Variants in ANKMY1 observed in about 807,000 individuals in gnomAD.
The protein encoded by ANKMY1 is ankyrin repeat and MYND domain containing 1, also known as ankyrin repeat and MYND domain-containing protein 1.
Under a neutral mutation model 102.0 loss-of-function variants are expected in ANKMY1, and 98 were observed. The ratio of observed to expected loss-of-function variants is 0.96; its 90% CI spans 0.82 to 1.14. The LOEUF (loss-of-function observed/expected upper bound fraction) is 1.14. ANKMY1 is among the 50% of genes most tolerant of loss of function. ANKMY1 has a pLI of 0.00. For missense variants in ANKMY1, 1,330 were observed against 1,347.6 expected, an observed-to-expected ratio of 0.99 and a Z score of 0.20; for synonymous variants, 582 against 559.9, an observed-to-expected ratio of 1.04 and a Z score of -0.56.
intron 4 of ANKMY1, among the ~76,000 whole-genome samples, chr2:240,540,559 C>T (rs933776028): frequency 1.6e-4 from 24 of 152,180 alleles, no homozygotes; most frequent in African/African-American, 5.1e-4. Flanking sequence ...TGCTTCCTTA[C>T]CCCTCCTGAG....
chr2:240,504,660 C>T (rs1410908254), intron 13 of ANKMY1, among the ~76,000 whole-genome samples: 2 of 152,062 alleles, frequency 1.3e-5, no homozygotes, highest in African/African-American at 4.8e-5. Flanking sequence ...CCAATAAGCA[C>T]ATGAAAAGAT....
chr2:240,491,311 T>A (rs1489899859), intron 15 of ANKMY1, among the ~76,000 whole-genome samples: 1 of 152,200 alleles, frequency 6.6e-6, no homozygotes, highest in East Asian at 1.9e-4. Context: ...CTATTCTAGC[T>A]TTTAAGAGGA....
chr2:240,544,275 A>C (rs1354640522), intron 4 of ANKMY1, among the ~76,000 whole-genome samples: 2 of 152,232 alleles, frequency 1.3e-5, no homozygotes, highest in Admixed American at 1.3e-4. Flanking sequence ...AAAAGAAAGA[A>C]AATTTAGGAC....
At chr2:240,525,227 C>T (rs2083114970) in intron 7 of ANKMY1, among the ~76,000 whole-genome samples, 1 of 152,266 alleles carries the variant, frequency 6.6e-6, no homozygotes, top group African/African-American at 2.4e-5. Context: ...AGCTGCAGCA[C>T]CCGATTAAAG....
intron 15 of ANKMY1, among the ~76,000 whole-genome samples, chr2:240,489,646 TG>T (rs2076422613): frequency 6.6e-6 from 1 of 152,146 alleles, no homozygotes; most frequent in African/African-American, 2.4e-5. Flanking sequence ...CTTTTGAAAG[TG>T]CTGTTGGATG....
chr2:240,492,581 T>C (rs898212497), intron 15 of ANKMY1, among the ~76,000 whole-genome samples: 4 of 152,240 alleles, frequency 2.6e-5, no homozygotes, highest in African/African-American at 4.8e-5. Context: ...TTTTTTAAAA[T>C]GTCTCTTTGA....
intron 3 of ANKMY1, chr2:240,553,320 A>G (rs1259890733): frequency 2.1e-6 from 1 of 475,652 alleles, no homozygotes; most frequent in African/African-American, 2.0e-5. Context: ...AACTACCTAG[A>G]CATCCTGAGT....
Position 240,532,970 on chromosome 2 carries a change from A to C in ANKMY1, c.481-3461T>G, listed in dbSNP as rs1247732521. On this transcript the variant is annotated intron_variant, in intron 4 of 17. Transcript: ENST00000401804. Reference sequence around the variant, plus strand: ...CGATCCTCCTGCCTTGGCCTTCCAAAGTATTAGGATTACAGGCATGGGCCC... The same window carrying C: ...CGATCCTCCTGCCTTGGCCTTCCAACGTATTAGGATTACAGGCATGGGCCC... Among the ~76,000 whole-genome samples, 5 of 152,376 alleles carry C rather than the reference A, an allele frequency of 3.3e-5. No individual in the cohort carries two copies. The East Asian group carries it at 9.6e-4, about 29-fold the overall frequency.
rs751003464 is a variant in ANKMY1, at chr2:240,520,649, C to T, written c.1833-116G>A. ...GGGCGCGTAGGGAGTATGTGTGTGCCGCAACTACACAATCACACACACAGC... is the reference window on the plus strand; with the variant it reads ...GGGCGCGTAGGGAGTATGTGTGTGCTGCAACTACACAATCACACACACAGC... On this transcript the variant is annotated intron_variant, in intron 8 of 17. Transcript: ENST00000401804. This position sits in a 1 kb window ranked among gnomAD's most constrained non-coding sequence, Gnocchi z 4.8. The T allele has an allele frequency of 1.0e-4, 130 of 1,265,706 alleles. No individual in the cohort carries two copies. Among genetic ancestry groups the T allele is most frequent in the Middle Eastern group, 2.7e-4 (1 of 3,646 alleles). The allele number at this position is 1,265,706 out of a possible 1,614,324, so 78.4% of individuals were successfully genotyped here.
intron 15 of ANKMY1, among the ~76,000 whole-genome samples, chr2:240,485,885 G>T (rs1186322454): frequency 6.6e-6 from 1 of 152,184 alleles, no homozygotes; most frequent in Non-Finnish European, 1.5e-5. Flanking sequence ...GAGCCACCAT[G>T]CCTGGCCTAC....
At chr2:240,512,025 C>T (rs767002051) in intron 10 of ANKMY1, 24 bp from the exon 11 acceptor site, 1 of 1,518,722 alleles carries the variant, frequency 6.6e-7, no homozygotes, top group Admixed American at 2.4e-5. Context: ...AGGGCTCCGC[C>T]AGCGCCCACG....
chr2:240,526,709 G>A (rs1422121889), intron 5 of ANKMY1: 20 of 1,385,556 alleles, frequency 1.4e-5, no homozygotes, highest in East Asian at 5.6e-5. Context: ...TGCTGGCTGC[G>A]AGTACATCCA....
chr2:240,479,723 T>G, intron 17 of ANKMY1, 68 bp from the exon 18 acceptor site: 1 of 1,458,120 alleles, frequency 6.9e-7, no homozygotes, highest in Non-Finnish European at 9.5e-7. Flanking sequence ...GAGGCCTGGC[T>G]CCAGAACTCG....
At position 240,520,677 on chromosome 2, in the gene ANKMY1, A is replaced by G; in HGVS notation, c.1833-144T>C. ...AACTACACAATCACACACACAGCACACACCCACACACGCAGACACACCACA... is the reference window on the plus strand; with the variant it reads ...AACTACACAATCACACACACAGCACGCACCCACACACGCAGACACACCACA... On this transcript the variant is annotated intron_variant, in intron 8 of 17. Coordinates refer to ENST00000401804, the MANE Select transcript of ANKMY1 (RefSeq NM_001282771.3). This position sits in a 1 kb window ranked among gnomAD's most constrained non-coding sequence, Gnocchi z 4.8. 9.7e-7 allele frequency: 1 copy of G among 1,028,400 alleles called. No homozygotes were observed. The highest frequency in any genetic ancestry group is 1.4e-6 in the Non-Finnish European group (1 of 726,934). 63.7% of individuals were successfully genotyped at this position (1,028,400 alleles called of 1,614,324 possible).
intron 15 of ANKMY1, among the ~76,000 whole-genome samples, chr2:240,486,170 T>G (rs2076039194): frequency 6.6e-6 from 1 of 152,206 alleles, no homozygotes; most frequent in African/African-American, 2.4e-5. Context: ...CATTTCATCT[T>G]CTCAATTTGA....
intron 3 of ANKMY1, chr2:240,553,363 A>G (rs1382928143): frequency 2.8e-6 from 1 of 352,360 alleles, no homozygotes; most frequent in Admixed American, 4.2e-5. Context: ...CTCCCTGGTG[A>G]CCTTGATCTT....
At chr2:240,527,588 T>C (rs1575171833) in intron 5 of ANKMY1, 1 of 150,760 alleles carries the variant, frequency 6.6e-6, no homozygotes, top group Non-Finnish European at 1.5e-5. Context: ...GGTGGGTGGG[T>C]AGATGAGTGG....
rs943158521 is a variant in ANKMY1 at position 240,557,794 on chromosome 2, G to A, written c.-18+87C>T. 5.7e-6 allele frequency: 5 copies of A among 876,264 alleles called. No individual in the cohort carries two copies. The African/African-American group carries it at 7.3e-5, about 13-fold the overall frequency. The allele number at this position is 876,264 out of a possible 1,614,324, so 54.3% of individuals were successfully genotyped here. ...CCCCTCCCTGGGGTGGGGACCGCGA[G>A]CCTGGCGCCCCCCCGCACCCGCCGC... is the stretch of plus-strand genomic sequence containing the variant. On this transcript the variant is annotated intron_variant, in intron 1 of 17. Coordinates refer to ENST00000401804, the MANE Select transcript of ANKMY1 (RefSeq NM_001282771.3).
At chr2:240,552,308 CAG>C (rs34947284) in intron 4 of ANKMY1, among the ~76,000 whole-genome samples, 11,267 of 152,130 alleles carry the variant, frequency 0.074, 469 homozygotes, top group Middle Eastern at 0.2. Context: ...AAATATTTTG[CAG>C]AGTTTGTTTT....
Sources: allele counts gnomAD v4.1 joint callset (sites outside exome capture counted in the v4.1 genomes callset), GRCh38; gene constraint gnomAD v4.1.1; non-coding constraint Gnocchi (gnomAD v3.1); transcripts MANE v1.5; gene names NCBI Gene and HGNC (gene_info 2026-07-23, HGNC 2026-07-21).